The following SLC25A21 variants were observed in gnomAD, a reference collection of about 807,000 sequenced individuals.
SLC25A21 encodes the protein mitochondrial 2-oxodicarboxylate carrier.
In SLC25A21, 47 loss-of-function variants were observed where a neutral mutation model predicts 43.8. The observed-to-expected ratio is 1.07, with a 90% confidence interval of 0.85 to 1.37. The LOEUF is 1.37. SLC25A21 is among the 40% of genes most tolerant of loss of function. The pLI is 0.00. For synonymous variants in SLC25A21, 131 were observed against 121.3 expected (o/e 1.08, Z -0.52); for missense variants, 352 against 350.2 (o/e 1.00, Z -0.04).
chr14:36,775,202 C>T (rs915835849), intron 3 of SLC25A21, among the ~76,000 whole-genome samples: 15 of 152,046 alleles, frequency 9.9e-5, no homozygotes, highest in African/African-American at 2.4e-4. Flanking sequence ...GAAGTATGTT[C>T]GCTTTACTGA....
At chr14:37,153,772 T>G (rs1293429282) in intron 1 of SLC25A21, among the ~76,000 whole-genome samples, 1 of 152,158 alleles carries the variant, frequency 6.6e-6, no homozygotes, top group East Asian at 1.9e-4. Context: ...CCCACGAGCC[T>G]AGCTTCGCTC....
At chr14:36,983,587 C>T (rs1463924043) in intron 1 of SLC25A21, among the ~76,000 whole-genome samples, 1 of 152,166 alleles carries the variant, frequency 6.6e-6, no homozygotes, top group African/African-American at 2.4e-5. Context: ...GGAGATTTCT[C>T]AAAGTACTAA....
At chr14:36,837,191 C>G (rs1889238005) in intron 2 of SLC25A21, among the ~76,000 whole-genome samples, 1 of 151,786 alleles carries the variant, frequency 6.6e-6, no homozygotes, top group African/African-American at 2.4e-5. Flanking sequence ...GGGGACTCAC[C>G]AAGAAATTAA....
At chr14:37,164,755 C>T (rs1177376777) in intron 1 of SLC25A21, among the ~76,000 whole-genome samples, 3 of 152,046 alleles carry the variant, frequency 2.0e-5, no homozygotes, top group Non-Finnish European at 4.4e-5. Context: ...TTTTTATTAG[C>T]CTTTTCAGGT....
chr14:36,957,762 T>C (rs1220186543), intron 1 of SLC25A21, among the ~76,000 whole-genome samples: 1 of 152,218 alleles, frequency 6.6e-6, no homozygotes, highest in Admixed American at 6.5e-5. Flanking sequence ...ATGATTTCCC[T>C]TTCAATGTAA....
At chr14:36,717,319 T>G (rs988233503) in intron 6 of SLC25A21, among the ~76,000 whole-genome samples, 1 of 152,230 alleles carries the variant, frequency 6.6e-6, no homozygotes, top group African/African-American at 2.4e-5. Flanking sequence ...AATTCATCAT[T>G]ACAGTTTGTT....
intron 2 of SLC25A21, among the ~76,000 whole-genome samples, chr14:36,824,627 G>T (rs149316449): frequency 6.6e-6 from 1 of 152,140 alleles, no homozygotes; most frequent in East Asian, 1.9e-4. Context: ...GAGCTAAAAG[G>T]GCACCGGGCT....
intron 9 of SLC25A21, among the ~76,000 whole-genome samples, chr14:36,682,738 A>G (rs4575439): frequency 0.53 from 80,679 of 151,708 alleles, 22,196 homozygotes; most frequent in East Asian, 0.81. Flanking sequence ...ATGGGCCAAT[A>G]ACTAACGGAA....
At chr14:37,060,626 C>CAA (rs1413589531) in intron 1 of SLC25A21, among the ~76,000 whole-genome samples, 1 of 149,112 alleles carries the variant, frequency 6.7e-6, no homozygotes, top group Non-Finnish European at 1.5e-5. Context: ...CACACACACA[C>CAA]AATGCAAATA....
At chr14:36,845,054 T>C (rs1013720568) in intron 2 of SLC25A21, among the ~76,000 whole-genome samples, 6 of 152,246 alleles carry the variant, frequency 3.9e-5, no homozygotes, top group Non-Finnish European at 8.8e-5. Flanking sequence ...CTGCATTTCA[T>C]TAATTATCTG....
At position 36,702,298 on chromosome 14, in the gene SLC25A21, G is replaced by T. The variant is rs537509106; in HGVS notation, c.603+9020C>A. Reference sequence around the variant, plus strand: ...GTTCATTCAACCTCTTCAGGTTGGCGTGGTTTGTCCTCATCCTTCAGCCCA... The same window carrying T: ...GTTCATTCAACCTCTTCAGGTTGGCTTGGTTTGTCCTCATCCTTCAGCCCA... On this transcript the variant is annotated intron_variant, in intron 7 of 9. Transcript: ENST00000331299. Among the ~76,000 whole-genome samples, 100 of 151,686 alleles carry T rather than the reference G, an allele frequency of 6.6e-4. 1 individual carries two copies. The highest frequency in any genetic ancestry group is 2.4e-3 in the African/African-American group (98 of 41,388).
chr14:36,855,031 A>T (rs75149924), intron 2 of SLC25A21, among the ~76,000 whole-genome samples: 11,121 of 151,954 alleles, frequency 0.073, 579 homozygotes, highest in East Asian at 0.21. Context: ...AAAAATTTTT[A>T]AAAAATAATA....
At chr14:36,855,055 AT>A (rs1889858200) in intron 2 of SLC25A21, among the ~76,000 whole-genome samples, 1 of 152,168 alleles carries the variant, frequency 6.6e-6, no homozygotes, top group Admixed American at 6.5e-5. Flanking sequence ...ATCAGTTTGC[AT>A]TATATTATCA....
chr14:36,847,304 A>T (rs1012276609), intron 2 of SLC25A21, among the ~76,000 whole-genome samples: 1 of 152,198 alleles, frequency 6.6e-6, no homozygotes, highest in African/African-American at 2.4e-5. Context: ...AATTCCATTA[A>T]AATACCCAGC....
chr14:37,166,428 G>A (rs1174776589), intron 1 of SLC25A21, among the ~76,000 whole-genome samples: 7 of 152,146 alleles, frequency 4.6e-5, no homozygotes, highest in Non-Finnish European at 1.0e-4. Flanking sequence ...ACTTGACTTC[G>A]TCTTTCCAAC....
intron 1 of SLC25A21, among the ~76,000 whole-genome samples, chr14:37,033,793 T>G (rs893617191): frequency 6.6e-6 from 1 of 152,148 alleles, no homozygotes; most frequent in African/African-American, 2.4e-5. Context: ...ATTAGAAAGG[T>G]GCCAAATTAT....
chr14:36,809,319 C>T (rs1888151534), intron 3 of SLC25A21, among the ~76,000 whole-genome samples: 1 of 152,144 alleles, frequency 6.6e-6, no homozygotes, highest in African/African-American at 2.4e-5. Flanking sequence ...TGAGTTCTCT[C>T]TTCTGTGTTA....
chr14:36,701,268 G>A (rs541144988), intron 7 of SLC25A21, among the ~76,000 whole-genome samples: 19 of 152,172 alleles, frequency 1.2e-4, no homozygotes, highest in Non-Finnish European at 2.8e-4. Context: ...CTATTACAGT[G>A]TTTGTTTTCT....
At chr14:36,995,631 T>C (rs1397939417) in intron 1 of SLC25A21, among the ~76,000 whole-genome samples, 1 of 152,182 alleles carries the variant, frequency 6.6e-6, no homozygotes, top group East Asian at 1.9e-4. Context: ...ATTGCCCAAG[T>C]TAAAAATGTA....
Sources: gnomAD v4.1 joint callset for allele counts (sites outside exome capture counted in the v4.1 genomes callset) on GRCh38, gnomAD v4.1.1 for gene constraint, MANE v1.5 for transcripts, NCBI Gene and HGNC (gene_info 2026-07-23, HGNC 2026-07-21) for gene names.